Variants in ATP8B1 observed in about 807,000 individuals in gnomAD.
ATP8B1 encodes ATPase phospholipid transporting 8B1.
A neutral mutation model predicts 149.9 loss-of-function variants in ATP8B1; 80 were observed. The ratio of observed to expected loss-of-function variants is 0.53; its 90% CI spans 0.45 to 0.64. ATP8B1 has a LOEUF of 0.64. Among genes scored for constraint, ATP8B1 ranks in the 30% least tolerant of loss-of-function variants. ATP8B1 has a pLI of 0.00. For synonymous variants in ATP8B1, 536 were observed against 562.8 expected, an observed-to-expected ratio of 0.95 and a Z score of 0.67; for missense variants, 1,247 against 1,552.6, an observed-to-expected ratio of 0.80 and a Z score of 3.31.
chr18:57,688,172 C>T, intron 13 of ATP8B1, 127 bp downstream of exon 13: 1 of 1,050,998 alleles, frequency 9.5e-7, no homozygotes, highest in South Asian at 1.3e-5. Context: ...GGAGAATGGC[C>T]CTAGCAGCAG....
At chr18:57,731,022 C>T (rs763339066) in intron 2 of ATP8B1, among the ~76,000 whole-genome samples, 15 of 152,088 alleles carry the variant, frequency 9.9e-5, no homozygotes, top group Admixed American at 1.3e-4. Context: ...GGCTACGCAT[C>T]GTAGCTCATG....
intron 1 of ATP8B1, among the ~76,000 whole-genome samples, chr18:57,767,964 T>C (rs1471238634): frequency 6.6e-6 from 1 of 152,064 alleles, no homozygotes; most frequent in South Asian, 2.1e-4. Context: ...CACACACACA[T>C]ACAAATATAT....
intron 1 of ATP8B1, among the ~76,000 whole-genome samples, chr18:57,738,282 C>A (rs1313497201): frequency 6.6e-6 from 1 of 152,208 alleles, no homozygotes; most frequent in Admixed American, 6.5e-5. Flanking sequence ...AACAGAGCTA[C>A]TGACTGACTG....
chr18:57,782,740 T>C (rs2080368022), intron 1 of ATP8B1, among the ~76,000 whole-genome samples: 1 of 151,758 alleles, frequency 6.6e-6, no homozygotes, highest in Non-Finnish European at 1.5e-5. Flanking sequence ...ATAATATGAT[T>C]CTTTTAGGAA....
In ATP8B1 at chr18:57,691,832, T is replaced by A; in HGVS notation, c.1195A>T (p.Met399Leu). Residue 399 changes from methionine (M) to leucine (L), a missense_variant, in exon 12 of 28, where the codon ATG becomes TTG. Met to Leu is a conservative substitution (Grantham distance 15). Around this residue, in one of 3 missense-constraint regions of ATP8B1, gnomAD observed 853 missense variants for 1,035.7 expected, o/e 0.82. Coordinates refer to ENST00000648908, the MANE Select transcript of ATP8B1 (RefSeq NM_001374385.1). The part of the protein sequence containing the change: ...FWGYIIVLNT[M>L]VPISLYVSVE... ...CTGACATAGAGAGAGATGGGTACCA[T>A]GGTGTTGAGAACAATGATATAGCCC... 1 of 1,614,104 alleles carries A rather than the reference T, an allele frequency of 6.2e-7. No homozygotes were observed. The highest frequency in any genetic ancestry group is 8.5e-7 in the Non-Finnish European group (1 of 1,179,998).
At chr18:57,726,208 C>T (rs1482122537) in intron 2 of ATP8B1, among the ~76,000 whole-genome samples, 1 of 152,080 alleles carries the variant, frequency 6.6e-6, no homozygotes, top group Non-Finnish European at 1.5e-5. Flanking sequence ...AGCCTGGTGA[C>T]AGAGCAAGAC....
At chr18:57,761,760 C>G (rs1453702149) in intron 1 of ATP8B1, among the ~76,000 whole-genome samples, 1 of 150,950 alleles carries the variant, frequency 6.6e-6, no homozygotes, top group Non-Finnish European at 1.5e-5. Context: ...TGAGACCTTT[C>G]TGGCCAACAT....
chr18:57,662,329 ATAT>A (rs1429613953), intron 21 of ATP8B1, among the ~76,000 whole-genome samples, 151 bp downstream of exon 21: 3 of 152,240 alleles, frequency 2.0e-5, no homozygotes. Flanking sequence ...CATATATCAT[ATAT>A]TATTAAGTCT....
intron 1 of ATP8B1, among the ~76,000 whole-genome samples, chr18:57,746,581 C>G (rs1182771424): frequency 6.8e-6 from 1 of 146,082 alleles, no homozygotes; most frequent in African/African-American, 2.5e-5. Flanking sequence ...TCAGGCAATT[C>G]TCTCCTGCCT....
chr18:57,674,451 G>A (rs1041830240), intron 16 of ATP8B1, among the ~76,000 whole-genome samples: 1 of 147,190 alleles, frequency 6.8e-6, no homozygotes, highest in African/African-American at 2.5e-5. Flanking sequence ...GTGGCGCGAT[G>A]TCGGCTCACT....
chr18:57,790,442 G>A (rs375143238), intron 1 of ATP8B1, among the ~76,000 whole-genome samples: 5 of 152,088 alleles, frequency 3.3e-5, no homozygotes, highest in African/African-American at 9.7e-5. Context: ...CTGCAGTTTG[G>A]TGCCTGCCTC....
intron 1 of ATP8B1, among the ~76,000 whole-genome samples, chr18:57,743,379 C>T (rs2079936922): frequency 1.3e-5 from 2 of 152,172 alleles, no homozygotes; most frequent in Non-Finnish European, 2.9e-5. Flanking sequence ...TCATTAGTCA[C>T]AAGAAAACCC....
In ATP8B1 at chr18:57,701,110, G is replaced by C; in HGVS notation, c.493-10C>G. The stretch of plus-strand genomic sequence containing the variant: ...CCATTTTATGGCGAGCCTTGAGAAG[G>C]AAGATGGGGAAATGCTGTTTTAAAC... On this transcript the variant is annotated splice_polypyrimidine_tract_variant and intron_variant, in intron 5 of 27. Transcript: ENST00000648908. The C allele has an allele frequency of 6.2e-7, 1 of 1,614,060 alleles. No individual in the cohort carries two copies. Among genetic ancestry groups the C allele is most frequent in the Non-Finnish European group, 8.5e-7 (1 of 1,179,924 alleles).
rs1464750455 is a variant in ATP8B1, at chr18:57,784,860, GGCCTTGACCACTGGAC to G, written c.-26+18122_-26+18137del. ...TTGTAGGATATTTAGAAGTATCCCT[GGCCTTGACCACTGGAC>G]GCTTGTAGCATCCTGAATTGTGACA... On this transcript the variant is annotated intron_variant, in intron 1 of 27. Transcript: ENST00000648908. The surrounding 1 kb of genome is among the most constrained non-coding windows in gnomAD (Gnocchi z 4.4). Among the ~76,000 whole-genome samples, 1 of 152,116 alleles carries G rather than the reference GGCCTTGACCACTGGAC, an allele frequency of 6.6e-6. No individual in the cohort carries two copies. The highest frequency in any genetic ancestry group is 1.5e-5 in the Non-Finnish European group (1 of 68,024).
chr18:57,726,401 T>G (rs1448193752), intron 2 of ATP8B1, among the ~76,000 whole-genome samples: 1 of 152,094 alleles, frequency 6.6e-6, no homozygotes, highest in Non-Finnish European at 1.5e-5. Flanking sequence ...ATCAACAAAG[T>G]AAAGAGACAA....
Position 57,769,146 on chromosome 18 carries a change from C to T in ATP8B1, c.-26+33852G>A, listed in dbSNP as rs148273410. ...TGACCCAGGCATATTAAGGGGAGGA[C>T]CAGCTCAGAAAGAAAGCAGAGCCAA... On this transcript the variant is annotated intron_variant, in intron 1 of 27. Transcript: ENST00000648908. Among the ~76,000 whole-genome samples, 59 of 152,220 alleles carry T rather than the reference C, an allele frequency of 3.9e-4. 1 individual carries two copies. In the East Asian group the frequency reaches 8.1e-3, roughly 21 times the overall value.
chr18:57,795,995 C>A (rs2080511587), intron 1 of ATP8B1, among the ~76,000 whole-genome samples: 1 of 152,016 alleles, frequency 6.6e-6, no homozygotes, highest in East Asian at 1.9e-4. Flanking sequence ...ATGGTGAAAC[C>A]CTGTCTCTAC....
At chr18:57,712,955 T>C (rs1379829014) in intron 2 of ATP8B1, among the ~76,000 whole-genome samples, 1 of 151,850 alleles carries the variant, frequency 6.6e-6, no homozygotes, top group Non-Finnish European at 1.5e-5. Flanking sequence ...CACCTGCTGA[T>C]GAAAGAGCCC....
chr18:57,712,015 A>G (rs1173935836), intron 2 of ATP8B1, among the ~76,000 whole-genome samples: 2 of 151,068 alleles, frequency 1.3e-5, no homozygotes, highest in Admixed American at 6.6e-5. Flanking sequence ...GTTTTAAAGC[A>G]ATGTTTGTGA....
Sources: allele counts gnomAD v4.1 joint callset (sites outside exome capture counted in the v4.1 genomes callset), GRCh38; gene constraint gnomAD v4.1.1; regional missense constraint gnomAD v4.1.1; non-coding constraint Gnocchi (gnomAD v3.1); transcripts MANE v1.5; gene names NCBI Gene and HGNC (gene_info 2026-07-23, HGNC 2026-07-21).